Variants in DOCK9 observed in about 807,000 individuals in gnomAD.
DOCK9 encodes the protein dedicator of cytokinesis protein 9.
Under a neutral mutation model 263.3 loss-of-function variants are expected in DOCK9, and 89 were observed. The ratio of observed to expected loss-of-function variants is 0.34; its 90% CI spans 0.28 to 0.40. DOCK9 has a LOEUF of 0.40. Ranked by LOEUF, DOCK9 falls within the 10% of genes least tolerant of loss-of-function variation. DOCK9 has a pLI of 1.00. For missense variants in DOCK9, 2,140 were observed against 2,603.4 expected, an observed-to-expected ratio of 0.82 and a Z score of 3.87; for synonymous variants, 976 against 973.1, an observed-to-expected ratio of 1.00 and a Z score of -0.06.
chr13:99,070,037 T>TTA (rs766402684), intron 1 of DOCK9, among the ~76,000 whole-genome samples: 34 of 152,318 alleles, frequency 2.2e-4, no homozygotes, highest in Middle Eastern at 3.4e-3. Context: ...TTAAAGAACT[T>TTA]TATAAACAGT....
intron 1 of DOCK9, among the ~76,000 whole-genome samples, chr13:99,085,651 G>A (rs1358243607): frequency 6.6e-6 from 1 of 152,096 alleles, no homozygotes; most frequent in African/African-American, 2.4e-5. Flanking sequence ...TTCCTAAAAG[G>A]CGGCCAAACT....
intron 10 of DOCK9, among the ~76,000 whole-genome samples, chr13:98,903,331 C>T (rs561695322): frequency 6.6e-6 from 1 of 152,094 alleles, no homozygotes; most frequent in African/African-American, 2.4e-5. Context: ...CGGTGGCTCA[C>T]GCCTGTAATT....
At chr13:99,054,891 T>C (rs945964488) in intron 1 of DOCK9, among the ~76,000 whole-genome samples, 1 of 152,190 alleles carries the variant, frequency 6.6e-6, no homozygotes, top group Non-Finnish European at 1.5e-5. Flanking sequence ...ACAAAAAAGA[T>C]GGCACCTCAG....
chr13:99,050,509 T>C (rs2040639074), intron 1 of DOCK9, among the ~76,000 whole-genome samples: 1 of 152,064 alleles, frequency 6.6e-6, no homozygotes, highest in South Asian at 2.1e-4. Flanking sequence ...CTGGCCAACG[T>C]AGTGAAACCC....
intron 27 of DOCK9, among the ~76,000 whole-genome samples, chr13:98,870,787 A>C (rs1312797932): frequency 2.6e-5 from 4 of 152,168 alleles, no homozygotes; most frequent in Non-Finnish European, 5.9e-5. Flanking sequence ...TTCACAGGGA[A>C]CACGGGGCAG....
intron 36 of DOCK9, 98 bp from the exon 37 acceptor site, chr13:98,848,737 T>C: frequency 8.1e-7 from 1 of 1,234,722 alleles, no homozygotes; most frequent in Non-Finnish European, 1.1e-6. Flanking sequence ...ATAAACATTA[T>C]GTCTAGTACC....
At chr13:98,891,814 T>C (rs1445584771) in intron 15 of DOCK9, among the ~76,000 whole-genome samples, 1 of 12,830 alleles carries the variant, frequency 7.8e-5, no homozygotes, top group African/African-American at 1.0e-4. Flanking sequence ...CTTTTAAAAG[T>C]TGTTTTTTTT....
chr13:98,967,852 C>A (rs2059359144), intron 1 of DOCK9, among the ~76,000 whole-genome samples: 1 of 152,140 alleles, frequency 6.6e-6, no homozygotes, highest in Non-Finnish European at 1.5e-5. Context: ...GTTTAAATGT[C>A]TTCACACATA....
intron 1 of DOCK9, among the ~76,000 whole-genome samples, chr13:99,016,766 A>G (rs1005655313): frequency 5.9e-5 from 9 of 152,246 alleles, no homozygotes; most frequent in African/African-American, 2.2e-4. Flanking sequence ...TCCCAGCCAC[A>G]ATATGTAACT....
chr13:98,857,869 T>C lies in DOCK9; in HGVS notation c.3698-1838A>G, dbSNP rs2093746024. The C allele has an allele frequency of 2.0e-5, 3 of 152,244 alleles. No homozygotes were observed. The South Asian group carries it at 6.2e-4, about 31-fold the overall frequency. The allele number at this position is 152,244 out of a possible 1,614,324, so 9.4% of individuals were successfully genotyped here. A position where few individuals can be genotyped will look rare whatever the true frequency, so the allele number is the denominator to read the frequency against. ...AGGTAAAAACCCTGTGAAAAAACTA[T>C]GGCCTTTTTCTGTACTCAGATAAGA... On this transcript the variant is annotated intron_variant, in intron 33 of 52. Coordinates refer to ENST00000682017, the MANE Select transcript of DOCK9 (RefSeq NM_001366683.2).
At chr13:98,843,861 C>T (rs1711634195) in intron 38 of DOCK9, among the ~76,000 whole-genome samples, 1 of 152,184 alleles carries the variant, frequency 6.6e-6, no homozygotes. Context: ...GCTGCATATC[C>T]GAGTGGATTA....
At chr13:98,956,654 C>T (rs533098118) in intron 1 of DOCK9, among the ~76,000 whole-genome samples, 4 of 151,986 alleles carry the variant, frequency 2.6e-5, no homozygotes, top group African/African-American at 4.8e-5. Context: ...GGCCGAGGCA[C>T]GAGAATTACT....
intron 1 of DOCK9, among the ~76,000 whole-genome samples, chr13:98,972,842 AC>A (rs2059876438): frequency 6.6e-6 from 1 of 152,172 alleles, no homozygotes; most frequent in Non-Finnish European, 1.5e-5. Flanking sequence ...AGAGGAATGA[AC>A]CCCTTCCTTC....
chr13:99,015,343 A>T (rs1476409125), intron 1 of DOCK9: 2 of 1,005,940 alleles, frequency 2.0e-6, no homozygotes, highest in African/African-American at 1.6e-5. Context: ...CACACAGACT[A>T]CATACATATA....
intron 13 of DOCK9, among the ~76,000 whole-genome samples, 185 bp from the exon 14 acceptor site, chr13:98,898,446 A>G (rs1429186469): frequency 2.0e-5 from 3 of 152,238 alleles, no homozygotes. Flanking sequence ...TATTTAACGC[A>G]TTCTCTAGCA....
chr13:98,822,199 C>T (rs553369726), intron 45 of DOCK9, among the ~76,000 whole-genome samples: 10 of 152,292 alleles, frequency 6.6e-5, no homozygotes, highest in East Asian at 3.9e-4. Context: ...GACAAGGTGA[C>T]GAATCCGTCT....
chr13:99,077,254 T>C (rs2041945827), intron 1 of DOCK9, among the ~76,000 whole-genome samples: 1 of 152,196 alleles, frequency 6.6e-6, no homozygotes, highest in South Asian at 2.1e-4. Context: ...TTTGGCTCTG[T>C]GTCCCCACCC....
chr13:98,806,903 C>T (rs1433888626), intron 48 of DOCK9, among the ~76,000 whole-genome samples: 1 of 141,902 alleles, frequency 7.0e-6, no homozygotes, highest in African/African-American at 2.5e-5. Flanking sequence ...AGCCAGACTC[C>T]ATCTCAAAAA....
At chr13:98,978,642 T>C (rs547938258), upstream of DOCK9, among the ~76,000 whole-genome samples, 1 of 152,292 alleles carries the variant, frequency 6.6e-6, no homozygotes, top group Admixed American at 6.5e-5. Flanking sequence ...AACAGAATAT[T>C]ACTTTAAGTC....
Sources: gnomAD v4.1 joint callset for allele counts (sites outside exome capture counted in the v4.1 genomes callset) on GRCh38, gnomAD v4.1.1 for gene constraint, MANE v1.5 for transcripts, NCBI Gene and HGNC (gene_info 2026-07-23, HGNC 2026-07-21) for gene names.